KIFC3: variants seen among roughly 807,000 people sequenced by gnomAD.
KIFC3 encodes kinesin-like protein KIFC3.
KIFC3 carries 60 observed loss-of-function variants against 101.8 expected under a neutral mutation model. The observed-to-expected ratio is 0.59, with a 90% confidence interval of 0.48 to 0.73. The LOEUF is 0.73. KIFC3 is among the 30% of genes least tolerant of loss of function. The pLI, the probability that KIFC3 is intolerant of heterozygous loss-of-function variation, is 0.00. For synonymous variants in KIFC3, 476 were observed against 482.7 expected (o/e 0.99, Z 0.18); for missense variants, 966 against 1,137.1 (o/e 0.85, Z 2.16).
At chr16:57,775,981 T>G in intron 3 of KIFC3, 1 of 985,394 alleles carries the variant, frequency 1.0e-6, no homozygotes, top group Non-Finnish European at 1.2e-6. Context: ...TCTGCCGGCT[T>G]GACACCACCT....
chr16:57,797,913 G>A (rs1405821196), intron 2 of KIFC3, 159 bp downstream of exon 2: 14 of 1,494,782 alleles, frequency 9.4e-6, no homozygotes, highest in South Asian at 6.7e-5. Flanking sequence ...CGAGACTGAC[G>A]CTCCGGCTCC....
intron 5 of KIFC3, 26 bp downstream of exon 5, chr16:57,771,517 A>G: frequency 6.2e-7 from 1 of 1,610,828 alleles, no homozygotes; most frequent in Non-Finnish European, 8.5e-7. Context: ...CAGGACCAGC[A>G]TGGGGACCAC....
chr16:57,847,878 G>A (rs781407443), intron 1 of KIFC3, among the ~76,000 whole-genome samples: 11 of 151,498 alleles, frequency 7.3e-5, no homozygotes, highest in East Asian at 1.9e-4. Context: ...CTCTGCCTCC[G>A]AGATTCAAGC....
At chr16:57,798,305 TA>T in intron 1 of KIFC3, 23 bp from the exon 2 acceptor site, 1 of 1,540,404 alleles carries the variant, frequency 6.5e-7, no homozygotes. Context: ...CAAGGGGAGA[TA>T]AGCTTGAAGA....
chr16:57,809,645 G>C (rs940625653), intron 1 of KIFC3, among the ~76,000 whole-genome samples: 2 of 152,152 alleles, frequency 1.3e-5, no homozygotes, highest in African/African-American at 4.8e-5. Flanking sequence ...AGGGAGAAGA[G>C]AGGTTGTCAA....
At chr16:57,759,009 G>A in intron 19 of KIFC3, 100 bp from the exon 20 acceptor site, 1 of 1,529,980 alleles carries the variant, frequency 6.5e-7, no homozygotes, top group Non-Finnish European at 8.8e-7. Flanking sequence ...AAAGCACATA[G>A]ACAAGCGACA....
At position 57,758,480 on chromosome 16, in the gene KIFC3, C is replaced by T; in HGVS notation, c.*454G>A. 2.4e-6 allele frequency: 1 copy of T among 413,274 alleles called. No homozygotes were observed. The allele number at this position is 413,274 out of a possible 1,614,324, so 25.6% of individuals were successfully genotyped here. On this transcript the variant is annotated 3_prime_UTR_variant, in exon 20 of 20. Coordinates refer to ENST00000445690, the MANE Select transcript of KIFC3 (RefSeq NM_001130100.2). ...GGGGCGGGGAGGGCTGCCATTGGTGCCACCAACCCACCCCAGTCCCCATGG... is the reference window on the plus strand; with the variant it reads ...GGGGCGGGGAGGGCTGCCATTGGTGTCACCAACCCACCCCAGTCCCCATGG...
At chr16:57,837,161 A>G (rs1004517122) in intron 1 of KIFC3, among the ~76,000 whole-genome samples, 3 of 152,150 alleles carry the variant, frequency 2.0e-5, no homozygotes, top group Non-Finnish European at 4.4e-5. Context: ...AGAGAAAAAC[A>G]TTACATCACT....
chr16:57,797,083 C>T (rs1305768361), intron 2 of KIFC3, among the ~76,000 whole-genome samples: 4 of 152,170 alleles, frequency 2.6e-5, no homozygotes, highest in East Asian at 3.9e-4. Flanking sequence ...AGAGAGACCT[C>T]GGAAGGCATC....
upstream of KIFC3, among the ~76,000 whole-genome samples, chr16:57,803,961 T>G (rs1447491757): frequency 3.9e-5 from 6 of 152,208 alleles, no homozygotes; most frequent in East Asian, 1.2e-3. Context: ...CTATCTCCCT[T>G]GATTATAGTC....
intron 1 of KIFC3, among the ~76,000 whole-genome samples, chr16:57,859,467 G>T (rs1322890251): frequency 6.6e-6 from 1 of 152,150 alleles, no homozygotes; most frequent in African/African-American, 2.4e-5. Context: ...TAGTTAAAGC[G>T]TCAAAAGAGT....
chr16:57,810,810 A>G (rs782390053), intron 1 of KIFC3: 68 of 501,988 alleles, frequency 1.4e-4, no homozygotes, highest in Non-Finnish European at 1.7e-4. Context: ...CCCATTGTAC[A>G]GATGGAGAGA....
rs1568047551 is a variant in KIFC3 at position 57,795,877 on chromosome 16, C to CTTTTTTGTT, written c.173-745_173-737dup. Among the ~76,000 whole-genome samples, 6 of 81,098 alleles carry CTTTTTTGTT rather than the reference C, an allele frequency of 7.4e-5. 1 individual carries two copies. The highest frequency in any genetic ancestry group is 3.0e-5 in the Non-Finnish European group (1 of 33,050). 53.2% of individuals were successfully genotyped at this position (81,098 alleles called of 152,430 possible). A position where few individuals can be genotyped will look rare whatever the true frequency, so the allele number is the denominator to read the frequency against. On this transcript the variant is annotated intron_variant, in intron 2 of 19. Coordinates refer to ENST00000445690, the MANE Select transcript of KIFC3 (RefSeq NM_001130100.2). Reference sequence around the variant, plus strand: ...CTTACACACATTCTGTTTTTTTGGGCTTTTTTGTTTTTTTTTTTTTTTTTT... The same window carrying CTTTTTTGTT: ...CTTACACACATTCTGTTTTTTTGGGCTTTTTTGTTTTTTTTGTTTTTTTTTTTTTTTTTT...
intron 1 of KIFC3, among the ~76,000 whole-genome samples, chr16:57,815,245 A>G (rs1274305581): frequency 6.6e-6 from 1 of 152,138 alleles, no homozygotes; most frequent in Non-Finnish European, 1.5e-5. Context: ...GGTGGCAAAC[A>G]AGCCACCTGG....
At chr16:57,806,433 C>A (rs1221107571), upstream of KIFC3, among the ~76,000 whole-genome samples, 1 of 152,086 alleles carries the variant, frequency 6.6e-6, no homozygotes. Flanking sequence ...CTCAACTCAC[C>A]CCCTGCAGCA....
At position 57,809,101 on chromosome 16, in the gene KIFC3, C is replaced by T. The variant is rs1598184897; in HGVS notation, c.109-10819G>A. 3.9e-5 allele frequency among the ~76,000 whole-genome samples: 6 copies of T among 152,172 alleles called. No homozygotes were observed. In the South Asian group the frequency reaches 1.0e-3, roughly 26 times the overall value. ...AAGCCCAGGAGTTGGTCAGCCTGGCCAACATAGCAAGACTCCCATCTCTAA... is the reference window on the plus strand; with the variant it reads ...AAGCCCAGGAGTTGGTCAGCCTGGCTAACATAGCAAGACTCCCATCTCTAA... On this transcript the variant is annotated intron_variant, in intron 1 of 2. Coordinates refer to the KIFC3 transcript ENST00000563028.
chr16:57,760,363 A>G lies in KIFC3; in HGVS notation c.2286T>C (p.Ala762=), dbSNP rs1555595032. 6 of 1,613,792 alleles carry G rather than the reference A, an allele frequency of 3.7e-6. No individual in the cohort carries two copies. In the African/African-American group the frequency reaches 8.0e-5, roughly 22 times the overall value. The change falls in exon 17 of 20, where the codon GCT becomes GCC. Residue 762 remains alanine (A), a synonymous_variant. Transcript: ENST00000445690. ...TSETLYSLKF[A]ERVRSVELGP... is the part of the protein sequence containing the mutation. ...CCAGCTCCACAGAGCGCACCCTCTCAGCAAACTTGAGGGAATAGAGCGTCT... is the reference window on the plus strand; with the variant it reads ...CCAGCTCCACAGAGCGCACCCTCTCGGCAAACTTGAGGGAATAGAGCGTCT...
intron 1 of KIFC3, among the ~76,000 whole-genome samples, chr16:57,854,501 A>G (rs2056123608): frequency 6.6e-6 from 1 of 151,912 alleles, no homozygotes; most frequent in Non-Finnish European, 1.5e-5. Context: ...GGTGGCATGC[A>G]CCTGTAGTTC....
At chr16:57,781,213 G>A (rs1555614435) in intron 3 of KIFC3, among the ~76,000 whole-genome samples, 2 of 152,198 alleles carry the variant, frequency 1.3e-5, no homozygotes. Context: ...TATTCAGGAG[G>A]CTTAGGTGGG....
Sources: allele counts gnomAD v4.1 joint callset (sites outside exome capture counted in the v4.1 genomes callset), GRCh38; gene constraint gnomAD v4.1.1; transcripts MANE v1.5; gene names NCBI Gene and HGNC (gene_info 2026-07-23, HGNC 2026-07-21).